DHX36: variants seen among roughly 807,000 people sequenced by gnomAD.
DHX36 encodes the protein DEAH-box helicase 36.
DHX36 carries 50 observed loss-of-function variants against 139.0 expected under a neutral mutation model. The ratio of observed to expected loss-of-function variants is 0.36; its 90% CI spans 0.29 to 0.46. DHX36 has a LOEUF of 0.46. Among genes scored for constraint, DHX36 ranks in the 20% least tolerant of loss-of-function variants. DHX36 has a pLI of 1.00. For missense variants in DHX36, 1,024 were observed against 1,211.3 expected (o/e 0.85, Z 2.29); for synonymous variants, 425 against 401.9 (o/e 1.06, Z -0.69).
intron 14 of DHX36, 55 bp from the exon 15 acceptor site, chr3:154,292,749 A>C (rs1711876028): frequency 2.5e-6 from 4 of 1,589,662 alleles, no homozygotes; most frequent in Non-Finnish European, 2.6e-6. Flanking sequence ...ACACACACAC[A>C]CACACACACA....
At position 154,272,567 on chromosome 3, in the gene DHX36, TATATA is replaced by T. The variant is rs529791847; in HGVS notation, c.*3599_*3603del. ...ATACTTAAATTGGTTAATTTTATTG[TATATA>T]ATATCTTAAAATTTATTATATATAA... On this transcript the variant is annotated 3_prime_UTR_variant, in exon 25 of 25. Coordinates refer to ENST00000496811, the MANE Select transcript of DHX36 (RefSeq NM_020865.3). The T allele has an allele frequency of 4.4e-4, 66 of 151,388 alleles. No homozygotes were observed. Among genetic ancestry groups the T allele is most frequent in the African/African-American group, 1.6e-3 (66 of 41,370 alleles). 9.4% of individuals were successfully genotyped at this position (151,388 alleles called of 1,614,324 possible).
chr3:154,311,527 C>A (rs1712762705), intron 4 of DHX36, 109 bp downstream of exon 4: 4 of 860,830 alleles, frequency 4.6e-6, no homozygotes, highest in Non-Finnish European at 7.1e-6. Flanking sequence ...CCAATACTAT[C>A]CTGTAAAAGA....
At chr3:154,294,584 T>A (rs565428918) in intron 13 of DHX36, among the ~76,000 whole-genome samples, 5 of 152,274 alleles carry the variant, frequency 3.3e-5, no homozygotes, top group African/African-American at 1.2e-4. Flanking sequence ...TTGCCCCCTC[T>A]CTTCTCTCAG....
chr3:154,293,240 C>A (rs111897137), intron 14 of DHX36, among the ~76,000 whole-genome samples: 312 of 152,230 alleles, frequency 2.0e-3, no homozygotes, highest in African/African-American at 7.2e-3. Context: ...AAACCAACAC[C>A]TAAAATGCTA....
chr3:154,324,310 G>C lies in DHX36; in HGVS notation c.107C>G (p.Ser36Cys). ...PAGGHGGNRGSGGGGGGGGGG... is the reference protein window; with the variant it reads ...PAGGHGGNRGCGGGGGGGGGG... ...CCCTCCGCCGCCGCCGCCTCCTCCG[G>C]AGCCTCGGTTACCTCCATGACCCCC... is the stretch of plus-strand genomic sequence containing the variant. Residue 36 changes from serine (S) to cysteine (C), a missense_variant, in exon 1 of 25, where the codon TCC (serine) becomes TGC (cysteine). Physicochemically the swap from Ser to Cys is moderately radical, Grantham distance 112 (BLOSUM62 -1). Transcript: ENST00000496811. 1 of 1,611,514 alleles carries C rather than the reference G, an allele frequency of 6.2e-7. No individual in the cohort carries two copies. The highest frequency in any genetic ancestry group is 8.5e-7 in the Non-Finnish European group (1 of 1,178,960).
In DHX36 at chr3:154,276,083, T is replaced by C. The variant is rs1719139035; in HGVS notation, c.*88A>G. 2.3e-6 allele frequency: 3 copies of C among 1,326,292 alleles called. No individual in the cohort carries two copies. Among genetic ancestry groups the C allele is most frequent in the South Asian group, 2.8e-5 (2 of 70,364 alleles). The allele number at this position is 1,326,292 out of a possible 1,614,324, so 82.2% of individuals were successfully genotyped here. A position where few individuals can be genotyped will look rare whatever the true frequency, so the allele number is the denominator to read the frequency against. ...CTACCTTACACATGAAAATTGTTCA[T>C]GTCCCAGGGTTTGGCATCCAGCCAA... is the stretch of plus-strand genomic sequence containing the variant. On this transcript the variant is annotated 3_prime_UTR_variant, in exon 25 of 25. Coordinates refer to ENST00000496811, the MANE Select transcript of DHX36 (RefSeq NM_020865.3).
intron 9 of DHX36, among the ~76,000 whole-genome samples, chr3:154,301,722 G>A (rs887272526): frequency 6.6e-6 from 1 of 152,178 alleles, no homozygotes; most frequent in Non-Finnish European, 1.5e-5. Context: ...ATTGAGTGCT[G>A]TACTATGATT....
rs867612580 is a variant in DHX36, at chr3:154,310,836, T to C, written c.642+800A>G. On this transcript the variant is annotated intron_variant, in intron 4 of 24. Transcript: ENST00000496811. ...ATATATATATATATATATATATATA[T>C]ATATATATATATATATGTATATACA... Among the ~76,000 whole-genome samples the C allele has an allele frequency of 5.3e-4, 45 of 84,998 alleles. 1 individual carries two copies. The highest frequency in any genetic ancestry group is 2.1e-3 in the African/African-American group (44 of 20,520). 55.8% of individuals were successfully genotyped at this position (84,998 alleles called of 152,430 possible).
intron 19 of DHX36, among the ~76,000 whole-genome samples, chr3:154,284,118 T>C (rs888042967): frequency 2.6e-5 from 4 of 152,228 alleles, no homozygotes; most frequent in African/African-American, 9.6e-5. Context: ...TTTTTTCAAA[T>C]GTTCAGCTAA....
Position 154,306,308 on chromosome 3 carries a change from T to A in DHX36, c.814-13A>T. ...CTCTTTCCGCAACCTTTAATTCAAA[T>A]AAAACATAAAGAGAATATAATTTCC... On this transcript the variant is annotated splice_polypyrimidine_tract_variant and intron_variant, in intron 5 of 24. Coordinates refer to ENST00000496811, the MANE Select transcript of DHX36 (RefSeq NM_020865.3). The A allele has an allele frequency of 6.2e-7, 1 of 1,604,964 alleles. No homozygotes were observed. The highest frequency in any genetic ancestry group is 8.5e-7 in the Non-Finnish European group (1 of 1,172,492).
At chr3:154,296,422 C>G in intron 12 of DHX36, among the ~76,000 whole-genome samples, 1 of 152,016 alleles carries the variant, frequency 6.6e-6, no homozygotes, top group East Asian at 1.9e-4. Context: ...TGCAGTGAGC[C>G]GAGATCGCGC....
intron 12 of DHX36, among the ~76,000 whole-genome samples, chr3:154,298,978 A>G (rs1448067442): frequency 9.9e-5 from 15 of 151,708 alleles, no homozygotes; most frequent in Non-Finnish European, 8.8e-5. Flanking sequence ...AGGGTTAGAA[A>G]TTATATTCAG....
intron 3 of DHX36, chr3:154,312,237 G>A (rs1296319050): frequency 6.6e-6 from 1 of 152,090 alleles, no homozygotes; most frequent in African/African-American, 2.4e-5. Flanking sequence ...TCATACGGTT[G>A]CCACAAGATC....
At chr3:154,278,394 T>A (rs1719222905) in intron 22 of DHX36, 1 of 152,174 alleles carries the variant, frequency 6.6e-6, no homozygotes, top group Admixed American at 6.5e-5. Context: ...ATAGTTAATG[T>A]TAATTACCTG....
chr3:154,316,068 C>G lies in DHX36; in HGVS notation c.339G>C (p.Gln113His). The G allele has an allele frequency of 6.2e-7, 1 of 1,613,202 alleles. No individual in the cohort carries two copies. The highest frequency in any genetic ancestry group is 8.5e-7 in the Non-Finnish European group (1 of 1,179,514). Residue 113 changes from glutamine to histidine, a missense_variant, in exon 2 of 25, where the codon CAG (glutamine) becomes CAC (histidine). By Grantham distance (24) the Gln-to-His change is conservative. This residue lies in a region of DHX36 where 293 missense variants were observed against 274.4 expected (regional missense o/e 1.07). Coordinates refer to ENST00000496811, the MANE Select transcript of DHX36 (RefSeq NM_020865.3). ...QAKNDKESEA[Q>H]ISWFAPEDHG... ...GATCCTCAGGAGCAAACCAGGATATCTGTGCTTCTGACTCTTTATCATTCT... is the reference window on the plus strand; with the variant it reads ...GATCCTCAGGAGCAAACCAGGATATGTGTGCTTCTGACTCTTTATCATTCT...
At chr3:154,287,421 G>A (rs570212276) in intron 17 of DHX36, among the ~76,000 whole-genome samples, 1 of 152,136 alleles carries the variant, frequency 6.6e-6, no homozygotes, top group African/African-American at 2.4e-5. Flanking sequence ...TTGGGAGGCT[G>A]AGGTGTGCGG....
chr3:154,311,790 T>A, intron 3 of DHX36, 116 bp from the exon 4 acceptor site: 1 of 661,546 alleles, frequency 1.5e-6, no homozygotes, highest in South Asian at 2.4e-5. Flanking sequence ...ATTTTTATTA[T>A]CTCATGGCTT....
Position 154,315,053 on chromosome 3 carries a change from T to C in DHX36, c.596A>G (p.Glu199Gly), listed in dbSNP as rs571544760. The C allele has an allele frequency of 6.3e-7, 1 of 1,590,140 alleles. No homozygotes were observed. The highest frequency in any genetic ancestry group is 1.4e-5 in the African/African-American group (1 of 73,674). ...TTGACATCTTTCTACTACCTGCATT[T>C]CAATATACCGAAGGTCATTTTTTTT... ...QKKKNDLRYI[E>G]MQHFREKLPS... is the part of the protein sequence containing the mutation. Residue 199 changes from glutamate (E) to glycine (G), a missense_variant, in exon 3 of 25, where the codon GAA becomes GGA. This residue lies in a region of DHX36 where 293 missense variants were observed against 274.4 expected (regional missense o/e 1.07). Coordinates refer to ENST00000496811, the MANE Select transcript of DHX36 (RefSeq NM_020865.3).
At chr3:154,321,190 T>A (rs903326226) in intron 1 of DHX36, among the ~76,000 whole-genome samples, 1 of 152,222 alleles carries the variant, frequency 6.6e-6, no homozygotes, top group Non-Finnish European at 1.5e-5. Flanking sequence ...GGGTTGTAAA[T>A]TCAAATACAT....
Sources: allele counts gnomAD v4.1 joint callset (sites outside exome capture counted in the v4.1 genomes callset), GRCh38; gene constraint gnomAD v4.1.1; regional missense constraint gnomAD v4.1.1; transcripts MANE v1.5; gene names NCBI Gene and HGNC (gene_info 2026-07-23, HGNC 2026-07-21).